The following NEGR1 variants were observed in gnomAD, a reference collection of about 807,000 sequenced individuals.
NEGR1 encodes the protein neuronal growth regulator 1.
Under a neutral mutation model 40.9 loss-of-function variants are expected in NEGR1, and 10 were observed. The ratio of observed to expected loss-of-function variants is 0.24; its 90% CI spans 0.15 to 0.42. NEGR1 has a LOEUF of 0.42. Ranked by LOEUF, NEGR1 falls within the 10% of genes least tolerant of loss-of-function variation. The pLI, the probability that NEGR1 is intolerant of heterozygous loss-of-function variation, is 1.00. For missense variants in NEGR1, 352 were observed against 438.9 expected (o/e 0.80, Z 1.77); for synonymous variants, 185 against 166.8 (o/e 1.11, Z -0.84).
At chr1:71,554,424 C>T (rs563063260) in intron 6 of NEGR1, among the ~76,000 whole-genome samples, 3 of 151,422 alleles carry the variant, frequency 2.0e-5, no homozygotes, top group South Asian at 2.1e-4. Context: ...AATTAGTTAC[C>T]TATCAGTAGG....
At chr1:71,710,116 T>G (rs935700203) in intron 3 of NEGR1, among the ~76,000 whole-genome samples, 4 of 152,090 alleles carry the variant, frequency 2.6e-5, no homozygotes, top group African/African-American at 9.7e-5. Flanking sequence ...GACATACAAA[T>G]AGCAAACAGG....
rs949577827 is a variant in NEGR1, at chr1:71,404,793, A to G, written c.*2653T>C. On this transcript the variant is annotated 3_prime_UTR_variant, in exon 7 of 7. Transcript: ENST00000357731. ...TTGTTATAGATTAAAAGATAAATCA[A>G]TTTATAAAACTGCTATTCTGAAATT... is the stretch of plus-strand genomic sequence containing the variant. The G allele has an allele frequency of 1.3e-5, 2 of 152,260 alleles. No homozygotes were observed. The highest frequency in any genetic ancestry group is 2.4e-5 in the African/African-American group (1 of 41,422). The allele number at this position is 152,260 out of a possible 1,614,324, so 9.4% of individuals were successfully genotyped here.
At chr1:72,010,428 T>C (rs1236975969) in intron 1 of NEGR1, among the ~76,000 whole-genome samples, 3 of 152,254 alleles carry the variant, frequency 2.0e-5, no homozygotes, top group African/African-American at 7.2e-5. Context: ...ATCTTTATTT[T>C]TCTAATTAGT....
intron 1 of NEGR1, among the ~76,000 whole-genome samples, chr1:72,277,425 C>T (rs769151831): frequency 1.2e-4 from 19 of 152,136 alleles, no homozygotes; most frequent in Admixed American, 2.0e-4. Context: ...TGCATTAACA[C>T]GCTTGTGTTC....
intron 2 of NEGR1, among the ~76,000 whole-genome samples, chr1:71,906,512 T>A (rs1288917245): frequency 2.0e-5 from 3 of 151,846 alleles, no homozygotes; most frequent in Non-Finnish European, 4.4e-5. Flanking sequence ...TGAATCTCCT[T>A]CTGGTCCCCT....
At chr1:71,847,170 T>G (rs1659447735) in intron 2 of NEGR1, among the ~76,000 whole-genome samples, 1 of 152,152 alleles carries the variant, frequency 6.6e-6, no homozygotes, top group Non-Finnish European at 1.5e-5. Context: ...TTTATTACAC[T>G]GGGGAATAAG....
intron 2 of NEGR1, among the ~76,000 whole-genome samples, chr1:71,916,976 A>G (rs1383107338): frequency 6.6e-6 from 1 of 152,152 alleles, no homozygotes; most frequent in Non-Finnish European, 1.5e-5. Flanking sequence ...AGTCTGGGAA[A>G]AAGAGAAAGG....
intron 1 of NEGR1, among the ~76,000 whole-genome samples, chr1:72,176,474 T>C (rs114442960): frequency 0.02 from 3,008 of 152,140 alleles, 94 homozygotes; most frequent in African/African-American, 0.068. Context: ...CGATGAAATA[T>C]AGACACACAT....
At chr1:71,988,923 T>TAAAAAAAAAAAAAAAAAAAAAAAA (rs10604833) in intron 1 of NEGR1, among the ~76,000 whole-genome samples, 8 of 82,234 alleles carry the variant, frequency 9.7e-5, no homozygotes, top group African/African-American at 4.6e-4. Context: ...TATTGGATGT[T>TAAAAAAAAAAAAAAAAAAAAAAAA]AAAAAAAAAA....
intron 1 of NEGR1, among the ~76,000 whole-genome samples, chr1:72,116,822 A>T (rs2100281213): frequency 6.6e-6 from 1 of 151,886 alleles, no homozygotes; most frequent in East Asian, 1.9e-4. Flanking sequence ...ACAATTTGCT[A>T]ACACTAAAAT....
intron 1 of NEGR1, among the ~76,000 whole-genome samples, chr1:71,959,233 T>A (rs575720174): frequency 8.5e-4 from 129 of 152,224 alleles, no homozygotes; most frequent in Non-Finnish European, 1.6e-3. Flanking sequence ...TAAAAATCCC[T>A]CCCTTGAATT....
chr1:71,545,778 T>C (rs1036174446), intron 6 of NEGR1, among the ~76,000 whole-genome samples: 1 of 151,576 alleles, frequency 6.6e-6, no homozygotes, highest in African/African-American at 2.4e-5. Context: ...TGTAGAGAAG[T>C]AGCCCATTGA....
rs932087812 is a variant in NEGR1, at chr1:71,404,902, A to G, written c.*2544T>C. 7.9e-5 allele frequency: 12 copies of G among 152,220 alleles called. No individual in the cohort carries two copies. The highest frequency in any genetic ancestry group is 2.9e-4 in the African/African-American group (12 of 41,416). The allele number at this position is 152,220 out of a possible 1,614,324, so 9.4% of individuals were successfully genotyped here. On this transcript the variant is annotated 3_prime_UTR_variant, in exon 7 of 7. Transcript: ENST00000357731. The stretch of plus-strand genomic sequence containing the variant: ...CATAAATGTAAAATCATCTACTTGA[A>G]CATTATATGCAATACATTCACACAA...
chr1:71,630,897 A>T (rs1650949782), intron 4 of NEGR1, among the ~76,000 whole-genome samples: 1 of 151,910 alleles, frequency 6.6e-6, no homozygotes, highest in East Asian at 1.9e-4. Flanking sequence ...CATATTAGTT[A>T]TGTTGCCCTA....
rs545670891 is a variant in NEGR1 at position 71,601,117 on chromosome 1, AAT to A, written c.789-8151_789-8150del. Among the ~76,000 whole-genome samples, 532 of 152,302 alleles carry A rather than the reference AAT, an allele frequency of 3.5e-3. 4 individuals carry two copies. Among genetic ancestry groups the A allele is most frequent in the Non-Finnish European group, 5.8e-3 (396 of 68,034 alleles). ...TCTCTTGCTTTTTAACTGCATATCT[AAT>A]ACTCTAAGCCATATTTTAACTTTCC... On this transcript the variant is annotated intron_variant, in intron 5 of 6. Transcript: ENST00000357731.
chr1:72,213,355 T>G (rs1653680803), intron 1 of NEGR1, among the ~76,000 whole-genome samples: 3 of 151,952 alleles, frequency 2.0e-5, no homozygotes, highest in Non-Finnish European at 4.4e-5. Context: ...AGATTTTTTT[T>G]GTTTTACTTT....
At chr1:72,191,598 A>G (rs1193561530) in intron 1 of NEGR1, among the ~76,000 whole-genome samples, 1 of 151,872 alleles carries the variant, frequency 6.6e-6, no homozygotes, top group Non-Finnish European at 1.5e-5. Context: ...TAACTCCCTG[A>G]TAGAGACTGT....
At chr1:71,774,214 G>C (rs1210157083) in intron 3 of NEGR1, among the ~76,000 whole-genome samples, 1 of 152,136 alleles carries the variant, frequency 6.6e-6, no homozygotes, top group Non-Finnish European at 1.5e-5. Context: ...TGTGCACAAG[G>C]ATTGGCAGAT....
chr1:71,672,816 A>C (rs1047333473), intron 4 of NEGR1, among the ~76,000 whole-genome samples: 1 of 152,204 alleles, frequency 6.6e-6, no homozygotes, highest in Non-Finnish European at 1.5e-5. Context: ...AAACTAACAG[A>C]TCATGAATGA....
Sources: gnomAD v4.1 joint callset for allele counts (sites outside exome capture counted in the v4.1 genomes callset) on GRCh38, gnomAD v4.1.1 for gene constraint, MANE v1.5 for transcripts, NCBI Gene and HGNC (gene_info 2026-07-23, HGNC 2026-07-21) for gene names.